Variants in TBC1D4 observed in about 807,000 individuals in gnomAD.
TBC1D4 encodes TBC (Tre-2, BUB2, CDC16) domain-containing protein.
In TBC1D4, 121 loss-of-function variants were observed where a neutral mutation model predicts 142.5. The observed-to-expected ratio is 0.85, with a 90% CI of 0.73 to 0.99. The LOEUF is 0.99. TBC1D4 is among the 50% of genes least tolerant of loss of function. TBC1D4 has a pLI of 0.00. For missense variants in TBC1D4, 1,475 were observed against 1,606.6 expected, an observed-to-expected ratio of 0.92 and a Z score of 1.40; for synonymous variants, 630 against 628.2, an observed-to-expected ratio of 1.00 and a Z score of -0.04.
rs572784603 is a variant in TBC1D4, at chr13:75,293,237, T to G, written c.3317-966A>C. On this transcript the variant is annotated intron_variant, in intron 18 of 20. Coordinates refer to ENST00000377636, the MANE Select transcript of TBC1D4 (RefSeq NM_014832.5). Reference sequence around the variant, plus strand: ...GTTTCTCTCAATCTATGTCATTCTTTAATCAATAATATACAACAGGGAGTC... The same window carrying G: ...GTTTCTCTCAATCTATGTCATTCTTGAATCAATAATATACAACAGGGAGTC... 4.6e-5 allele frequency among the ~76,000 whole-genome samples: 7 copies of G among 152,368 alleles called. No individual in the cohort carries two copies. The East Asian group carries it at 1.2e-3, about 25-fold the overall frequency.
chr13:75,326,240 C>T lies in TBC1D4; in HGVS notation c.1990G>A (p.Val664Met), dbSNP rs763544787. ...CTCTGCCTCAGCAGAGGGGAACGCA[C>T]ACCCTGAGCCCTCCCATCCTGCAAA... The part of the protein sequence containing the change: ...LNLQDGRAQG[V>M]RSPLLRQSSS... The change falls in exon 10 of 21, where the codon GTG becomes ATG. Residue 664 changes from valine (V) to methionine (M), a missense_variant. Physicochemically the swap from Val to Met is conservative, Grantham distance 21 (BLOSUM62 1). Around this residue, in one of 2 missense-constraint regions of TBC1D4, gnomAD observed 1,227 missense variants for 1,267.7 expected, o/e 0.97. Coordinates refer to ENST00000377636, the MANE Select transcript of TBC1D4 (RefSeq NM_014832.5). 1 of 1,614,184 alleles carries T rather than the reference C, an allele frequency of 6.2e-7. No individual in the cohort carries two copies. Among genetic ancestry groups the T allele is most frequent in the South Asian group, 1.1e-5 (1 of 91,088 alleles).
chr13:75,397,814 T>G (rs1317400651), intron 1 of TBC1D4, among the ~76,000 whole-genome samples: 3 of 152,166 alleles, frequency 2.0e-5, no homozygotes, highest in Non-Finnish European at 4.4e-5. Context: ...TGGCTACAAA[T>G]TATTCGTAGT....
At chr13:75,447,500 A>ACGTGTGTG (rs148996843) in intron 1 of TBC1D4, among the ~76,000 whole-genome samples, 1 of 145,246 alleles carries the variant, frequency 6.9e-6, no homozygotes, top group Admixed American at 6.9e-5. Context: ...CATAGTGTGA[A>ACGTGTGTG]TGTGTGTGTG....
intron 8 of TBC1D4, among the ~76,000 whole-genome samples, chr13:75,328,103 A>G (rs1477907455): frequency 6.6e-6 from 1 of 152,230 alleles, no homozygotes; most frequent in Admixed American, 6.5e-5. Context: ...TTATTCATCC[A>G]TAAGTTCAGT....
At chr13:75,355,483 G>T in intron 4 of TBC1D4, among the ~76,000 whole-genome samples, 1 of 152,140 alleles carries the variant, frequency 6.6e-6, no homozygotes, top group Admixed American at 6.5e-5. Context: ...CAAAATTGAT[G>T]GGAATATATC....
chr13:75,456,026 C>G (rs1191295375), intron 1 of TBC1D4, among the ~76,000 whole-genome samples: 4 of 151,664 alleles, frequency 2.6e-5, no homozygotes. Context: ...GGACAGGGTC[C>G]CACTATGTTG....
intron 1 of TBC1D4, among the ~76,000 whole-genome samples, chr13:75,472,312 A>C (rs1593923734): frequency 1.3e-5 from 2 of 151,780 alleles, no homozygotes; most frequent in Non-Finnish European, 2.9e-5. Flanking sequence ...CCAGCTACTC[A>C]GGAGGCAGAG....
chr13:75,364,114 G>C (rs1882756958), intron 1 of TBC1D4, among the ~76,000 whole-genome samples: 1 of 152,180 alleles, frequency 6.6e-6, no homozygotes, highest in Admixed American at 6.5e-5. Context: ...GGGCGGTGCA[G>C]TTCCAGATCG....
At chr13:75,462,738 C>T (rs933357450) in intron 1 of TBC1D4, among the ~76,000 whole-genome samples, 1 of 152,032 alleles carries the variant, frequency 6.6e-6, no homozygotes, top group Admixed American at 6.6e-5. Flanking sequence ...GTAATGTCTT[C>T]CTGTAGATCA....
intron 20 of TBC1D4, among the ~76,000 whole-genome samples, chr13:75,287,392 A>AC (rs1314217737): frequency 6.6e-6 from 1 of 152,182 alleles, no homozygotes; most frequent in African/African-American, 2.4e-5. Context: ...TCCTTCTCTG[A>AC]CTGAAATACG....
intron 8 of TBC1D4, among the ~76,000 whole-genome samples, chr13:75,330,861 A>C (rs1879686659): frequency 6.6e-6 from 1 of 152,216 alleles, no homozygotes; most frequent in South Asian, 2.1e-4. Context: ...TAGTGTGTGT[A>C]GCCAAGAGGA....
At chr13:75,420,992 G>C (rs183659236) in intron 1 of TBC1D4, among the ~76,000 whole-genome samples, 1 of 152,282 alleles carries the variant, frequency 6.6e-6, no homozygotes, top group Non-Finnish European at 1.5e-5. Context: ...CCCAACACTG[G>C]AAAGTCAAAA....
At chr13:75,343,412 T>A (rs1880878967) in intron 5 of TBC1D4, among the ~76,000 whole-genome samples, 1 of 152,228 alleles carries the variant, frequency 6.6e-6, no homozygotes, top group Admixed American at 6.5e-5. Context: ...CATTTCTTTG[T>A]GCAATGTACA....
intron 18 of TBC1D4, among the ~76,000 whole-genome samples, chr13:75,293,729 T>C (rs1875583378): frequency 6.6e-6 from 1 of 152,216 alleles, no homozygotes; most frequent in Non-Finnish European, 1.5e-5. Flanking sequence ...TAATGCAGTG[T>C]TTAACTTTTA....
rs1205853694 is a variant in TBC1D4 at position 75,444,105 on chromosome 13, G to GT, written c.498+37164dup. 4.6e-5 allele frequency among the ~76,000 whole-genome samples: 7 copies of GT among 152,052 alleles called. No individual in the cohort carries two copies. The East Asian group carries it at 1.2e-3, about 25-fold the overall frequency. On this transcript the variant is annotated intron_variant, in intron 1 of 20. Transcript: ENST00000377636. ...GAGGGAAAGGTGGAAAAATGTAGCT[G>GT]TAAGAAGCAAATGATACAATTCTTT...
chr13:75,307,796 A>T (rs996664061), intron 14 of TBC1D4, among the ~76,000 whole-genome samples: 1 of 152,232 alleles, frequency 6.6e-6, no homozygotes, highest in Non-Finnish European at 1.5e-5. Context: ...CCTTCCGGAT[A>T]CCACAGATGG....
chr13:75,352,285 T>A (rs1881663802), intron 4 of TBC1D4, among the ~76,000 whole-genome samples: 1 of 152,166 alleles, frequency 6.6e-6, no homozygotes, highest in African/African-American at 2.4e-5. Flanking sequence ...TTGTATCTCA[T>A]CCCTCTATCA....
chr13:75,324,507 T>C (rs2138000236), intron 10 of TBC1D4, 106 bp from the exon 11 acceptor site: 1 of 1,359,944 alleles, frequency 7.4e-7, no homozygotes, highest in African/African-American at 1.4e-5. Context: ...ATTTAATCTT[T>C]CCTTTCAAGG....
chr13:75,312,648 A>C, intron 13 of TBC1D4, 90 bp downstream of exon 13: 2 of 1,516,610 alleles, frequency 1.3e-6, no homozygotes, highest in South Asian at 1.1e-5. Flanking sequence ...CACTGTAATC[A>C]CTTAAATCTC....
Sources: allele counts gnomAD v4.1 joint callset (sites outside exome capture counted in the v4.1 genomes callset), GRCh38; gene constraint gnomAD v4.1.1; regional missense constraint gnomAD v4.1.1; transcripts MANE v1.5; gene names NCBI Gene and HGNC (gene_info 2026-07-23, HGNC 2026-07-21).